The following MDGA2 variants were observed in gnomAD, a reference collection of about 807,000 sequenced individuals.
The protein encoded by MDGA2 is MAM domain containing glycosylphosphatidylinositol anchor 2, also known as MAM domain-containing glycosylphosphatidylinositol anchor protein 2.
MDGA2 carries 40 observed loss-of-function variants against 117.8 expected under a neutral mutation model. That is an observed-to-expected ratio of 0.34 (90% CI 0.26 to 0.44). MDGA2 has a LOEUF of 0.44. Among genes scored for constraint, MDGA2 ranks in the 20% least tolerant of loss-of-function variants. MDGA2 has a pLI of 1.00. For synonymous variants in MDGA2, 452 were observed against 439.0 expected, an observed-to-expected ratio of 1.03 and a Z score of -0.37; for missense variants, 1,123 against 1,250.6, an observed-to-expected ratio of 0.90 and a Z score of 1.54.
At chr14:46,913,156 C>A (rs569560421) in intron 10 of MDGA2, among the ~76,000 whole-genome samples, 1 of 152,096 alleles carries the variant, frequency 6.6e-6, no homozygotes, top group African/African-American at 2.4e-5. Flanking sequence ...CCTATTTTAA[C>A]GTTTTCTTAA....
At chr14:47,196,588 T>G (rs1885295708) in intron 3 of MDGA2, among the ~76,000 whole-genome samples, 2 of 152,234 alleles carry the variant, frequency 1.3e-5, no homozygotes, top group Admixed American at 6.5e-5. Flanking sequence ...GAGCTTCACA[T>G]TTTAAGAAGT....
At chr14:47,202,691 T>A (rs1031864811) in intron 3 of MDGA2, among the ~76,000 whole-genome samples, 5 of 152,182 alleles carry the variant, frequency 3.3e-5, no homozygotes, top group Non-Finnish European at 7.3e-5. Context: ...ATGAGCAGCA[T>A]TTAGGTGCAT....
chr14:46,970,681 A>T (rs2138329463), intron 8 of MDGA2, among the ~76,000 whole-genome samples: 1 of 152,298 alleles, frequency 6.6e-6, no homozygotes, highest in South Asian at 2.1e-4. Context: ...CTACTATAAC[A>T]AAAATAGACA....
At chr14:46,944,803 T>C (rs1287547167) in intron 9 of MDGA2, among the ~76,000 whole-genome samples, 2 of 152,038 alleles carry the variant, frequency 1.3e-5, no homozygotes, top group South Asian at 2.1e-4. Flanking sequence ...TTAGGGTTTT[T>C]TGTATGCTAA....
intron 2 of MDGA2, among the ~76,000 whole-genome samples, chr14:47,287,334 A>G (rs1888722335): frequency 6.6e-6 from 1 of 152,188 alleles, no homozygotes; most frequent in South Asian, 2.1e-4. Context: ...TATAGTCAGT[A>G]GGAAAAGCAC....
intron 1 of MDGA2, among the ~76,000 whole-genome samples, chr14:47,584,956 A>G (rs4143912): frequency 0.41 from 62,719 of 151,492 alleles, 14,421 homozygotes; most frequent in East Asian, 0.93. Flanking sequence ...GACACTCAAT[A>G]AAGCTTTTTC....
At position 47,444,893 on chromosome 14, in the gene MDGA2, T is replaced by C. The variant is rs148581782; in HGVS notation, c.281-143343A>G. Among the ~76,000 whole-genome samples, 10 of 152,288 alleles carry C rather than the reference T, an allele frequency of 6.6e-5. No homozygotes were observed. In the East Asian group the frequency reaches 1.5e-3, roughly 24 times the overall value. ...GAGGAGTTGTACATTGAAATCTTCA[T>C]ATACCATAACCTAATTGAATAGTGA... is the stretch of plus-strand genomic sequence containing the variant. On this transcript the variant is annotated intron_variant, in intron 1 of 16. Transcript: ENST00000399232.
At chr14:47,625,341 A>G (rs1399592718) in intron 1 of MDGA2, among the ~76,000 whole-genome samples, 1 of 152,214 alleles carries the variant, frequency 6.6e-6, no homozygotes, top group Admixed American at 6.5e-5. Context: ...TAACTTCAGA[A>G]TACAAGATTC....
At chr14:47,449,412 T>G (rs1055494968) in intron 1 of MDGA2, among the ~76,000 whole-genome samples, 6 of 152,172 alleles carry the variant, frequency 3.9e-5, no homozygotes, top group Non-Finnish European at 8.8e-5. Context: ...CTTAACTATT[T>G]TTTGTGCCTA....
intron 1 of MDGA2, among the ~76,000 whole-genome samples, chr14:47,662,372 A>G (rs1468056758): frequency 6.6e-6 from 1 of 152,118 alleles, no homozygotes; most frequent in Non-Finnish European, 1.5e-5. Flanking sequence ...ATATATTTGT[A>G]TTATGAATGT....
At chr14:47,656,583 T>C (rs1003131759) in intron 1 of MDGA2, among the ~76,000 whole-genome samples, 1 of 152,186 alleles carries the variant, frequency 6.6e-6, no homozygotes, top group African/African-American at 2.4e-5. Context: ...AGCTGATTGT[T>C]GGCTGGACGC....
At chr14:47,253,947 G>A (rs1377438425) in intron 2 of MDGA2, among the ~76,000 whole-genome samples, 1 of 152,238 alleles carries the variant, frequency 6.6e-6, no homozygotes, top group Non-Finnish European at 1.5e-5. Flanking sequence ...GCACATGTAA[G>A]CTGCCAAGGC....
intron 1 of MDGA2, among the ~76,000 whole-genome samples, chr14:47,600,267 C>T (rs1285500102): frequency 2.6e-5 from 4 of 151,608 alleles, no homozygotes; most frequent in Non-Finnish European, 2.9e-5. Flanking sequence ...TGTATTTTTT[C>T]GTATTTTGTA....
intron 1 of MDGA2, among the ~76,000 whole-genome samples, chr14:47,495,566 C>A (rs1894264448): frequency 6.6e-6 from 1 of 151,998 alleles, no homozygotes; most frequent in Non-Finnish European, 1.5e-5. Context: ...AATTATATAC[C>A]CCCTATTTGC....
At chr14:47,253,758 G>A (rs1181264293) in intron 2 of MDGA2, among the ~76,000 whole-genome samples, 1 of 152,222 alleles carries the variant, frequency 6.6e-6, no homozygotes, top group Non-Finnish European at 1.5e-5. Flanking sequence ...GAGACTCTGT[G>A]TGGGGGCTCC....
intron 1 of MDGA2, among the ~76,000 whole-genome samples, chr14:47,329,669 G>T (rs1196858364): frequency 6.6e-6 from 1 of 151,644 alleles, no homozygotes; most frequent in Non-Finnish European, 1.5e-5. Flanking sequence ...ATGAATACTT[G>T]GAAAGTCTCA....
At chr14:47,125,846 T>C (rs1219160361) in intron 5 of MDGA2, among the ~76,000 whole-genome samples, 1 of 151,950 alleles carries the variant, frequency 6.6e-6, no homozygotes, top group East Asian at 1.9e-4. Context: ...CTCAAGCAGG[T>C]AAAAAATATG....
chr14:47,375,342 C>A (rs1353711087), intron 1 of MDGA2, among the ~76,000 whole-genome samples: 1 of 151,994 alleles, frequency 6.6e-6, no homozygotes, highest in Non-Finnish European at 1.5e-5. Flanking sequence ...CTAAAACCCA[C>A]TTAACGTCTT....
chr14:47,508,450 GA>G (rs1894566361), intron 1 of MDGA2, among the ~76,000 whole-genome samples: 1 of 150,176 alleles, frequency 6.7e-6, no homozygotes, highest in Non-Finnish European at 1.5e-5. Context: ...AAACAGAAGG[GA>G]AAAAAGAATA....
Sources: gnomAD v4.1 joint callset for allele counts (sites outside exome capture counted in the v4.1 genomes callset) on GRCh38, gnomAD v4.1.1 for gene constraint, MANE v1.5 for transcripts, NCBI Gene and HGNC (gene_info 2026-07-23, HGNC 2026-07-21) for gene names.